Variants in MAP7D3 observed in about 807,000 individuals in gnomAD.
The protein encoded by MAP7D3 is MAP7 domain containing 3.
A neutral mutation model predicts 62.2 loss-of-function variants in MAP7D3; 45 were observed. The ratio of observed to expected loss-of-function variants is 0.72; its 90% CI spans 0.57 to 0.93. The LOEUF is 0.93. Ranked by LOEUF, MAP7D3 falls within the 40% of genes least tolerant of loss-of-function variation. MAP7D3 has a pLI of 0.00. For synonymous variants in MAP7D3, 288 were observed against 248.8 expected (o/e 1.16, Z -1.48); for missense variants, 711 against 683.1 (o/e 1.04, Z -0.45).
upstream of MAP7D3, among the ~76,000 whole-genome samples, chrX:136,252,695 AAAAAG>A (rs1569532552): frequency 8.4e-5 from 6 of 71,677 alleles, no homozygotes; most frequent in Admixed American, 4.7e-4. Context: ...AAAAAAAAAA[AAAAAG>A]AAAAGAAAAG....
chrX:136,232,950 A>G lies in MAP7D3; in HGVS notation c.737-730T>C, dbSNP rs761850077. On this transcript the variant is annotated intron_variant, in intron 7 of 18. Transcript: ENST00000316077. The stretch of plus-strand genomic sequence containing the variant: ...ACATACTGTTTGTTCCAGCAATTCT[A>G]CTTCTAGGTTTACCCTTAGGAAAAA... Among the ~76,000 whole-genome samples the G allele has an allele frequency of 9.0e-5, 10 of 111,340 alleles. No individual in the cohort carries two copies. The South Asian group carries it at 3.8e-3, about 42-fold the overall frequency.
In MAP7D3 at chrX:136,246,203, T is replaced by C. The variant is rs1030129125; in HGVS notation, c.169+40A>G. On this transcript the variant is annotated intron_variant, in intron 2 of 18. Coordinates refer to ENST00000316077, the MANE Select transcript of MAP7D3 (RefSeq NM_024597.4). ...AATAGGATATCAAATTTTAAAGATA[T>C]GACACTTTGACATCTATCAAAGCAT... 6 of 1,117,131 alleles carry C rather than the reference T, an allele frequency of 5.4e-6. No homozygotes were observed. In the African/African-American group the frequency reaches 1.1e-4, roughly 20 times the overall value. 92.1% of individuals were successfully genotyped at this position (1,117,131 alleles called of 1,213,427 possible).
chrX:136,241,382 A>G (rs1442419117), intron 4 of MAP7D3, 105 bp from the exon 5 acceptor site: 2 of 440,190 alleles, frequency 4.5e-6, no homozygotes, highest in Non-Finnish European at 7.6e-6. Context: ...GTCTCAGGTA[A>G]AAGTTTAAAA....
chrX:136,224,131 T>C (rs1243272537), intron 14 of MAP7D3, among the ~76,000 whole-genome samples: 1 of 104,542 alleles, frequency 9.6e-6, no homozygotes, highest in African/African-American at 3.5e-5. Flanking sequence ...CTGGGCATGG[T>C]GGCTCACACC....
At chrX:136,256,092 G>C (rs1341280360), upstream of MAP7D3, 12 of 749,386 alleles carry the variant, frequency 1.6e-5, no homozygotes, top group Non-Finnish European at 1.9e-5. Context: ...CGACCTGTTA[G>C]ATTCCTTGTC....
At position 136,246,328 on chromosome X, in the gene MAP7D3, G is replaced by A. The variant is rs780398638; in HGVS notation, c.84C>T (p.Asn28=). 11 of 1,180,466 alleles carry A rather than the reference G, an allele frequency of 9.3e-6. No homozygotes were observed. Among genetic ancestry groups the A allele is most frequent in the African/African-American group, 3.5e-5 (2 of 56,493 alleles). ...ELRARMVAAA[N]EIAKERRKQD... is the part of the protein sequence containing the mutation. ...GCTTCCTCCTTTCCTTAGCAATCTC[G>A]TTTGCTGCAGCAACTAAAATACAGG... Residue 28 remains asparagine (N), a synonymous_variant, in exon 2 of 19, where the codon AAC becomes AAT. Transcript: ENST00000316077.
At chrX:136,222,282 G>T in intron 15 of MAP7D3, 111 bp downstream of exon 15, 1 of 516,901 alleles carries the variant, frequency 1.9e-6, no homozygotes, top group Non-Finnish European at 3.2e-6. Context: ...TTTCAGATGG[G>T]AAAAACTCAG....
intron 6 of MAP7D3, 104 bp from the exon 7 acceptor site, chrX:136,236,443 T>C (rs2074331319): frequency 5.5e-6 from 2 of 366,200 alleles, no homozygotes; most frequent in Non-Finnish European, 9.4e-6. Flanking sequence ...CTACCTTGCT[T>C]ATAAGACTTA....
chrX:136,220,773 T>G lies in MAP7D3; in HGVS notation c.2478A>C (p.Val826=), dbSNP rs759264128. The G allele has an allele frequency of 4.1e-6, 5 of 1,205,609 alleles. No individual in the cohort carries two copies. In the East Asian group the frequency reaches 1.5e-4, roughly 36 times the overall value. Residue 826 remains valine, a synonymous_variant, in exon 16 of 19, where the codon GTA becomes GTC. Transcript: ENST00000316077. ...KSMKDTSIQE[V]VSRPSSKRMT... ...CTGGCTAAGTGACTCACCTTGAAAC[T>G]ACTTCCTGTATTGAAGTGTCTTTCA...
chrX:136,221,079 G>A (rs1419092898), intron 15 of MAP7D3, 116 bp from the exon 16 acceptor site: 6 of 547,522 alleles, frequency 1.1e-5, no homozygotes, highest in Non-Finnish European at 1.5e-5. Flanking sequence ...AAGGCAGGAA[G>A]AGTCAAGCAG....
chrX:136,255,984 A>C (rs963297689), upstream of MAP7D3: 6 of 612,305 alleles, frequency 9.8e-6, no homozygotes, highest in Non-Finnish European at 1.2e-5. Context: ...TGAGCTTACC[A>C]ATCTAGCGAA....
At position 136,224,830 on chromosome X, in the gene MAP7D3, T is replaced by C; in HGVS notation, c.2190A>G (p.Ser730=). 1 of 1,174,289 alleles carries C rather than the reference T, an allele frequency of 8.5e-7. No individual in the cohort carries two copies. Among genetic ancestry groups the C allele is most frequent in the Non-Finnish European group, 1.2e-6 (1 of 861,331 alleles). ...CTGGTAGGAGTATGGAGACTACCTTTGAGGCATTCACATCTGTCTTTCTTG... is the reference window on the plus strand; with the variant it reads ...CTGGTAGGAGTATGGAGACTACCTTCGAGGCATTCACATCTGTCTTTCTTG... ...KRTRKTDVNA[S]KVTETSSHDI... is the part of the protein sequence containing the mutation. Residue 730 remains serine, a synonymous_variant, in exon 14 of 19, where the codon TCA becomes TCG. Transcript: ENST00000316077.
chrX:136,249,206 C>A (rs2074479293), intron 1 of MAP7D3, among the ~76,000 whole-genome samples: 1 of 112,103 alleles, frequency 8.9e-6, no homozygotes, highest in South Asian at 3.7e-4. Context: ...ACTCTGGATG[C>A]CTGACAAGAT....
intron 17 of MAP7D3, 32 bp from the exon 18 acceptor site, chrX:136,219,527 C>T: frequency 8.5e-7 from 1 of 1,175,524 alleles, no homozygotes; most frequent in Non-Finnish European, 1.2e-6. Context: ...AAAGATAGTT[C>T]TGTGTGACTT....
At chrX:136,228,510 G>A in intron 11 of MAP7D3, 113 bp downstream of exon 11, 1 of 793,571 alleles carries the variant, frequency 1.3e-6, no homozygotes, top group Admixed American at 3.4e-5. Context: ...GATCCTCACT[G>A]AAGAAAGTCA....
At chrX:136,240,229 A>G (rs949472896) in intron 6 of MAP7D3, among the ~76,000 whole-genome samples, 153 bp downstream of exon 6, 5 of 107,624 alleles carry the variant, frequency 4.6e-5, no homozygotes, top group African/African-American at 1.7e-4. Context: ...AAAAAAAAGT[A>G]TGACTATCTC....
rs181445092 is a variant in MAP7D3, at chrX:136,224,535, G to T, written c.2193+292C>A. Among the ~76,000 whole-genome samples, 11 of 108,599 alleles carry T rather than the reference G, an allele frequency of 1.0e-4. No homozygotes were observed. The East Asian group carries it at 3.1e-3, about 31-fold the overall frequency. 94.3% of individuals were successfully genotyped at this position (108,599 alleles called of 115,157 possible). A position where few individuals can be genotyped will look rare whatever the true frequency, so the allele number is the denominator to read the frequency against. ...AAAGATAAGCTGTAAACTGGGAGAA[G>T]GTATCTGCAACACATAACCAAAAAA... On this transcript the variant is annotated intron_variant, in intron 14 of 18. Transcript: ENST00000316077.
Position 136,250,459 on chromosome X carries a change from G to A in MAP7D3, c.70+830C>T, listed in dbSNP as rs149136264. Among the ~76,000 whole-genome samples, 693 of 111,344 alleles carry A rather than the reference G, an allele frequency of 6.2e-3. 1 individual carries two copies. Among genetic ancestry groups the A allele is most frequent in the African/African-American group, 0.022 (660 of 30,619 alleles). ...TTGTATAAGATTAACGGTTTTCGAG[G>A]AGGGAAAAACGTTTTGGCGATGGGA... On this transcript the variant is annotated intron_variant, in intron 1 of 18. Coordinates refer to ENST00000316077, the MANE Select transcript of MAP7D3 (RefSeq NM_024597.4).
chrX:136,236,218 A>C (rs760360163), intron 7 of MAP7D3, 26 bp downstream of exon 7: 5 of 953,161 alleles, frequency 5.2e-6, no homozygotes, highest in Admixed American at 5.4e-5. Flanking sequence ...ATCACTATTT[A>C]AAATTTGTAT....
Sources: gnomAD v4.1 joint callset for allele counts (sites outside exome capture counted in the v4.1 genomes callset) on GRCh38, gnomAD v4.1.1 for gene constraint, MANE v1.5 for transcripts, NCBI Gene and HGNC (gene_info 2026-07-23, HGNC 2026-07-21) for gene names.